The following C14orf119 variants were observed in gnomAD, a reference collection of about 807,000 sequenced individuals.
The protein encoded by C14orf119 is chromosome 14 open reading frame 119.
Under a neutral mutation model 13.5 loss-of-function variants are expected in C14orf119, and 17 were observed. The observed-to-expected ratio is 1.26, with a 90% confidence interval of 0.86 to 1.88. C14orf119 has a LOEUF of 1.88. Among genes scored for constraint, C14orf119 ranks in the 40% most tolerant of loss-of-function variants. C14orf119 has a pLI of 0.00. For synonymous variants in C14orf119, 61 were observed against 61.9 expected, an observed-to-expected ratio of 0.99 and a Z score of 0.07; for missense variants, 162 against 165.9, an observed-to-expected ratio of 0.98 and a Z score of 0.13.
At chr14:23,096,025 C>T (rs1220795990) in intron 1 of C14orf119, among the ~76,000 whole-genome samples, 2 of 152,214 alleles carry the variant, frequency 1.3e-5, no homozygotes, top group African/African-American at 4.8e-5. Context: ...TTTTTTGGTA[C>T]TTGAACTAAT....
At position 23,099,743 on chromosome 14, in the gene C14orf119, C is replaced by T. The variant is rs1294122492; in HGVS notation, c.*1662C>T. ...CCACGTCTGGCTAAGGGGCTTTACC[C>T]TTAAAGATAGAGCTCATGAAGCCCC... is the stretch of plus-strand genomic sequence containing the variant. On this transcript the variant is annotated 3_prime_UTR_variant, in exon 2 of 2. Transcript: ENST00000319074. 3 of 283,328 alleles carry T rather than the reference C, an allele frequency of 1.1e-5. No individual in the cohort carries two copies. 17.6% of individuals were successfully genotyped at this position (283,328 alleles called of 1,614,324 possible). A position where few individuals can be genotyped will look rare whatever the true frequency, so the allele number is the denominator to read the frequency against.
chr14:23,095,532 G>T lies in C14orf119; in HGVS notation c.-89G>T. 1 of 515,844 alleles carries T rather than the reference G, an allele frequency of 1.9e-6. No individual in the cohort carries two copies. 32.0% of individuals were successfully genotyped at this position (515,844 alleles called of 1,614,324 possible). ...GGGCTGCCGGGCTGGCCCAGCTTAG[G>T]GTTTTCAGGAAATTTGGAAGCTGCC... On this transcript the variant is annotated 5_prime_UTR_variant, in exon 1 of 2. Coordinates refer to ENST00000319074, the MANE Select transcript of C14orf119 (RefSeq NM_017924.4).
At chr14:23,096,003 A>C (rs2048365003) in intron 1 of C14orf119, among the ~76,000 whole-genome samples, 1 of 152,234 alleles carries the variant, frequency 6.6e-6, no homozygotes, top group Admixed American at 6.5e-5. Context: ...GGAAAATGCA[A>C]GCGCCCTGAA....
rs2048420348 is a variant in C14orf119 at position 23,100,307 on chromosome 14, G to T, written c.*2226G>T. 3 of 403,270 alleles carry T rather than the reference G, an allele frequency of 7.4e-6. No individual in the cohort carries two copies. The highest frequency in any genetic ancestry group is 4.1e-5 in the African/African-American group (2 of 48,454). 25.0% of individuals were successfully genotyped at this position (403,270 alleles called of 1,614,324 possible). The stretch of plus-strand genomic sequence containing the variant: ...AGGGGACTAAGATCCCTATGTCCTA[G>T]AGATGGGGGAATGTGTTATTGTATG... On this transcript the variant is annotated 3_prime_UTR_variant, in exon 2 of 2. Coordinates refer to ENST00000319074, the MANE Select transcript of C14orf119 (RefSeq NM_017924.4).
At chr14:23,096,897 A>C (rs1393135658) in intron 1 of C14orf119, among the ~76,000 whole-genome samples, 2 of 152,178 alleles carry the variant, frequency 1.3e-5, no homozygotes, top group Non-Finnish European at 2.9e-5. Flanking sequence ...ACTAAATATT[A>C]AGGACAATTG....
In C14orf119 at chr14:23,097,678, C is replaced by T; in HGVS notation, c.20C>T (p.Ser7Phe). Reference sequence around the variant, plus strand: ...TTCAGGATGCCACTGGAGTCATCCTCTTCAATGCCACTATCCTTCCCATCT... The same window carrying T: ...TTCAGGATGCCACTGGAGTCATCCTTTTCAATGCCACTATCCTTCCCATCT... MPLESS[S>F]SMPLSFPSLL... The change falls in exon 2 of 2, where the codon TCT (serine) becomes TTT (phenylalanine). Residue 7 changes from serine (S) to phenylalanine (F), a missense_variant. Coordinates refer to ENST00000319074, the MANE Select transcript of C14orf119 (RefSeq NM_017924.4). 1 of 1,613,840 alleles carries T rather than the reference C, an allele frequency of 6.2e-7. No homozygotes were observed. The highest frequency in any genetic ancestry group is 1.1e-5 in the South Asian group (1 of 91,070).
Position 23,097,863 on chromosome 14 carries a change from A to G in C14orf119, c.205A>G (p.Lys69Glu). Reference protein sequence around the residue: ...EDLVAKAVPEKLQPLLDSLEQ... With the variant: ...EDLVAKAVPEELQPLLDSLEQ... ...CCTGGTAGCTAAGGCAGTGCCAGAA[A>G]AATTACAACCACTGCTGGATAGTCT... Residue 69 changes from lysine to glutamate, a missense_variant, in exon 2 of 2, where the codon AAA becomes GAA. Coordinates refer to ENST00000319074, the MANE Select transcript of C14orf119 (RefSeq NM_017924.4). The G allele has an allele frequency of 6.2e-7, 1 of 1,614,224 alleles. No homozygotes were observed.
In C14orf119 at chr14:23,099,262, C is replaced by G. The variant is rs570173977; in HGVS notation, c.*1181C>G. 2.2e-5 allele frequency: 9 copies of G among 413,492 alleles called. No individual in the cohort carries two copies. Among genetic ancestry groups the G allele is most frequent in the African/African-American group, 1.4e-4 (7 of 48,750 alleles). The allele number at this position is 413,492 out of a possible 1,614,324, so 25.6% of individuals were successfully genotyped here. On this transcript the variant is annotated 3_prime_UTR_variant, in exon 2 of 2. Coordinates refer to ENST00000319074, the MANE Select transcript of C14orf119 (RefSeq NM_017924.4). ...AAGAAATTATTCTCTTCCTTACCCCCTGTCATGTTCTGGGCAACATCACAC... is the reference window on the plus strand; with the variant it reads ...AAGAAATTATTCTCTTCCTTACCCCGTGTCATGTTCTGGGCAACATCACAC...
rs548131846 is a variant in C14orf119, at chr14:23,098,614, T to G, written c.*533T>G. ...ATGAAAAATCAGGAGAGGGAGATAA[T>G]TAGTTGCTTCCTCCTTCACACTGTT... On this transcript the variant is annotated 3_prime_UTR_variant, in exon 2 of 2. Transcript: ENST00000319074. 1 of 171,360 alleles carries G rather than the reference T, an allele frequency of 5.8e-6. No individual in the cohort carries two copies. The highest frequency in any genetic ancestry group is 1.4e-5 in the Non-Finnish European group (1 of 70,428). The allele number at this position is 171,360 out of a possible 1,614,324, so 10.6% of individuals were successfully genotyped here.
intron 1 of C14orf119, among the ~76,000 whole-genome samples, chr14:23,096,842 G>T (rs2048384140): frequency 6.6e-6 from 1 of 152,104 alleles, no homozygotes; most frequent in Non-Finnish European, 1.5e-5. Context: ...CTCTCAAAGT[G>T]CTGAGATTAC....
chr14:23,099,230 G>A lies in C14orf119; in HGVS notation c.*1149G>A, dbSNP rs1042601787. 5 of 413,172 alleles carry A rather than the reference G, an allele frequency of 1.2e-5. No homozygotes were observed. Among genetic ancestry groups the A allele is most frequent in the African/African-American group, 8.2e-5 (4 of 48,594 alleles). The allele number at this position is 413,172 out of a possible 1,614,324, so 25.6% of individuals were successfully genotyped here. On this transcript the variant is annotated 3_prime_UTR_variant, in exon 2 of 2. Coordinates refer to ENST00000319074, the MANE Select transcript of C14orf119 (RefSeq NM_017924.4). ...TACACAATAGATTTTCCATCCAGTT[G>A]TCTCACAAGAAATTATTCTCTTCCT...
At position 23,095,564 on chromosome 14, in the gene C14orf119, G is replaced by T; in HGVS notation, c.-57G>T. The T allele has an allele frequency of 4.4e-6, 2 of 457,690 alleles. No individual in the cohort carries two copies. Among genetic ancestry groups the T allele is most frequent in the Admixed American group, 4.0e-5 (1 of 24,976 alleles). The allele number at this position is 457,690 out of a possible 1,614,324, so 28.4% of individuals were successfully genotyped here. ...AGGAAATTTGGAAGCTGCCGCAGTA[G>T]TTGGAGTCTAAGGACTCGTGACAAT... On this transcript the variant is annotated 5_prime_UTR_variant, in exon 1 of 2. Coordinates refer to ENST00000319074, the MANE Select transcript of C14orf119 (RefSeq NM_017924.4).
rs2048419375 is a variant in C14orf119 at position 23,100,194 on chromosome 14, A to G, written c.*2113A>G. 1 of 226,924 alleles carries G rather than the reference A, an allele frequency of 4.4e-6. No homozygotes were observed. The highest frequency in any genetic ancestry group is 8.9e-6 in the Non-Finnish European group (1 of 112,854). The allele number at this position is 226,924 out of a possible 1,614,324, so 14.1% of individuals were successfully genotyped here. The stretch of plus-strand genomic sequence containing the variant: ...ACTTGAGCCTAGGGAGGTCGAGGCC[A>G]CAGTGAGCTGAGATCACCCCACTGC... On this transcript the variant is annotated 3_prime_UTR_variant, in exon 2 of 2. Transcript: ENST00000319074.
In C14orf119 at chr14:23,098,659, CTT is replaced by C. The variant is rs201509412; in HGVS notation, c.*591_*592del. 22 of 156,796 alleles carry C rather than the reference CTT, an allele frequency of 1.4e-4. No homozygotes were observed. Among genetic ancestry groups the C allele is most frequent in the Non-Finnish European group, 1.5e-4 (10 of 66,282 alleles). 9.7% of individuals were successfully genotyped at this position (156,796 alleles called of 1,614,324 possible). A position where few individuals can be genotyped will look rare whatever the true frequency, so the allele number is the denominator to read the frequency against. ...ACTGTTTGAATCGAACTCGCGGTGACTTTTTTTTTTTTTTAAAAACATGGGTT... is the reference window on the plus strand; with the variant it reads ...ACTGTTTGAATCGAACTCGCGGTGACTTTTTTTTTTTTAAAAACATGGGTT... On this transcript the variant is annotated 3_prime_UTR_variant, in exon 2 of 2. Coordinates refer to ENST00000319074, the MANE Select transcript of C14orf119 (RefSeq NM_017924.4).
At position 23,097,956 on chromosome 14, in the gene C14orf119, G is replaced by C. The variant is rs1242533529; in HGVS notation, c.298G>C (p.Asp100His). ...SIFECQLHLW[D>H]QWFRGWAEQE... ...CTTTGAGTGCCAGCTACATCTTTGG[G>C]ATCAGTGGTTTCGAGGCTGGGCTGA... is the stretch of plus-strand genomic sequence containing the variant. Residue 100 changes from aspartate to histidine, a missense_variant, in exon 2 of 2, where the codon GAT becomes CAT. By Grantham distance (81) the Asp-to-His change is moderately conservative. Coordinates refer to ENST00000319074, the MANE Select transcript of C14orf119 (RefSeq NM_017924.4). 1 of 1,614,050 alleles carries C rather than the reference G, an allele frequency of 6.2e-7. No individual in the cohort carries two copies. The highest frequency in any genetic ancestry group is 8.5e-7 in the Non-Finnish European group (1 of 1,180,036).
intron 1 of C14orf119, 98 bp downstream of exon 1, chr14:23,095,717 T>C: frequency 5.8e-6 from 1 of 171,128 alleles, no homozygotes; most frequent in South Asian, 1.1e-4. Flanking sequence ...GCAAACAGCT[T>C]CTGCCCTCTG....
At chr14:23,096,121 G>C (rs1173262327) in intron 1 of C14orf119, among the ~76,000 whole-genome samples, 1 of 152,196 alleles carries the variant, frequency 6.6e-6, no homozygotes, top group East Asian at 1.9e-4. Context: ...ATAGGTCACA[G>C]ACAAATAGTT....
At chr14:23,096,292 G>A (rs572875149) in intron 1 of C14orf119, among the ~76,000 whole-genome samples, 18 of 152,208 alleles carry the variant, frequency 1.2e-4, no homozygotes, top group African/African-American at 3.1e-4. Context: ...CGAGGCGGGC[G>A]GATCACTTGA....
chr14:23,096,857 G>A (rs988897325), intron 1 of C14orf119, among the ~76,000 whole-genome samples: 2 of 151,942 alleles, frequency 1.3e-5, no homozygotes, highest in African/African-American at 4.8e-5. Flanking sequence ...GATTACTTTG[G>A]AAGTGCAAGA....
Sources: gnomAD v4.1 joint callset for allele counts (sites outside exome capture counted in the v4.1 genomes callset) on GRCh38, gnomAD v4.1.1 for gene constraint, MANE v1.5 for transcripts, NCBI Gene and HGNC (gene_info 2026-07-23, HGNC 2026-07-21) for gene names.